The following DCAF8L2 variants were observed in gnomAD, a reference collection of about 807,000 sequenced individuals.
The protein encoded by DCAF8L2 is DDB1- and CUL4-associated factor 8-like protein 2.
For missense variants in DCAF8L2, 430 were observed against 490.7 expected (o/e 0.88, Z 1.17); for synonymous variants, 200 against 190.9 (o/e 1.05, Z -0.39).
At chrX:27,686,826 G>C (rs6628301) in intron 3 of DCAF8L2, among the ~76,000 whole-genome samples, 3,730 of 112,006 alleles carry the variant, frequency 0.033, 162 homozygotes, top group African/African-American at 0.11. Flanking sequence ...ATTTTTCTAC[G>C]GACTGGGTAG....
chrX:27,587,985 A>AAAAAAAATATATATATAT, upstream of DCAF8L2, among the ~76,000 whole-genome samples: 5 of 22,354 alleles, frequency 2.2e-4, no homozygotes, highest in African/African-American at 4.9e-4. Context: ...TAAAAAAAAA[A>AAAAAAAATATATATATAT]ATATATATAT....
chrX:27,746,643 A>G (rs961310987), intron 4 of DCAF8L2, among the ~76,000 whole-genome samples, 195 bp from the exon 5 acceptor site: 1 of 111,949 alleles, frequency 8.9e-6, no homozygotes, highest in African/African-American at 3.3e-5. Context: ...GCCTGGAAAA[A>G]CTAGAGCAGT....
chrX:27,574,804 A>G, the DCAF8L2 span, among the ~76,000 whole-genome samples: 7 of 111,123 alleles, frequency 6.3e-5, no homozygotes, highest in African/African-American at 2.3e-4. Context: ...CTAGGGGAGC[A>G]TATAGATGGG....
At chrX:27,550,842 G>T in the DCAF8L2 span, among the ~76,000 whole-genome samples, 27 of 110,441 alleles carry the variant, frequency 2.4e-4, no homozygotes, top group East Asian at 6.6e-3. Context: ...CACAATTAAG[G>T]GTTTGGGGCA....
chrX:27,697,465 GTTCT>G (rs1475235318), intron 3 of DCAF8L2, among the ~76,000 whole-genome samples: 3 of 111,029 alleles, frequency 2.7e-5, no homozygotes. Context: ...TTCAGTAAGT[GTTCT>G]TTGTGTTCCG....
the DCAF8L2 span, among the ~76,000 whole-genome samples, chrX:27,566,324 TCTAA>T: frequency 4.5e-5 from 5 of 111,692 alleles, no homozygotes; most frequent in African/African-American, 1.6e-4. Context: ...AGGACCTTGC[TCTAA>T]CTATCTGCCT....
In DCAF8L2 at chrX:27,650,529, A is replaced by G. The variant is rs1344871109; in HGVS notation, c.-220+18529A>G. Among the ~76,000 whole-genome samples the G allele has an allele frequency of 5.4e-5, 6 of 111,743 alleles. No individual in the cohort carries two copies. In the Admixed American group the frequency reaches 5.7e-4, roughly 11 times the overall value. On this transcript the variant is annotated intron_variant, in intron 2 of 4. Transcript: ENST00000451261. ...ATCCTTTACCTCCTTGGTTAGATGTATTGCTAGGTATTTTATTTTATCTTT... is the reference window on the plus strand; with the variant it reads ...ATCCTTTACCTCCTTGGTTAGATGTGTTGCTAGGTATTTTATTTTATCTTT...
In DCAF8L2 at chrX:27,671,738, C is replaced by A. The variant is rs747927276; in HGVS notation, c.-219-6098C>A. Among the ~76,000 whole-genome samples, 5 of 111,960 alleles carry A rather than the reference C, an allele frequency of 4.5e-5. No individual in the cohort carries two copies. The East Asian group carries it at 1.4e-3, about 31-fold the overall frequency. Reference sequence around the variant, plus strand: ...GCCATACCTGGTCTTCACAGCTTCTCGGACTGTGCATTCCCATTTGCTAAA... The same window carrying A: ...GCCATACCTGGTCTTCACAGCTTCTAGGACTGTGCATTCCCATTTGCTAAA... On this transcript the variant is annotated intron_variant, in intron 2 of 4. Transcript: ENST00000451261.
In DCAF8L2 at chrX:27,711,560, CTATTT is replaced by C. The variant is rs748112452; in HGVS notation, c.-142-4527_-142-4523del. On this transcript the variant is annotated intron_variant, in intron 3 of 4. Coordinates refer to ENST00000451261, the MANE Select transcript of DCAF8L2 (RefSeq NM_001353450.2). Reference sequence around the variant, plus strand: ...TTGCTTCACTATAGCAACCACTTTACTATTTATATCCCATAACATCATGTTCTAAG... The same window carrying C: ...TTGCTTCACTATAGCAACCACTTTACATATCCCATAACATCATGTTCTAAG... 3.8e-3 allele frequency among the ~76,000 whole-genome samples: 417 copies of C among 109,802 alleles called. 4 individuals carry two copies. The highest frequency in any genetic ancestry group is 0.013 in the African/African-American group (394 of 30,337).
chrX:27,694,083 A>G (rs1037178570), intron 3 of DCAF8L2, among the ~76,000 whole-genome samples: 5 of 112,054 alleles, frequency 4.5e-5, no homozygotes, highest in African/African-American at 9.7e-5. Context: ...GCTGGAGGCC[A>G]TTATCCCAAA....
chrX:27,508,054 A>G, the DCAF8L2 span, among the ~76,000 whole-genome samples: 1 of 111,896 alleles, frequency 8.9e-6, no homozygotes, highest in African/African-American at 3.2e-5. Flanking sequence ...AAATAACTTT[A>G]TATGTGTTAT....
the DCAF8L2 span, among the ~76,000 whole-genome samples, chrX:27,579,287 C>T: frequency 1.8e-5 from 2 of 111,139 alleles, no homozygotes; most frequent in Admixed American, 9.6e-5. Flanking sequence ...AGCCATTATC[C>T]TCAGCAGATG....
chrX:27,555,135 C>A, the DCAF8L2 span, among the ~76,000 whole-genome samples: 5 of 111,524 alleles, frequency 4.5e-5, no homozygotes, highest in Admixed American at 4.8e-4. Flanking sequence ...CAGGCAATGG[C>A]TGAGATGCTG....
chrX:27,699,147 G>A (rs1569185432), intron 3 of DCAF8L2, among the ~76,000 whole-genome samples: 1 of 112,028 alleles, frequency 8.9e-6, no homozygotes, highest in Admixed American at 9.5e-5. Context: ...TGTAAAGATA[G>A]TGCTGGGGGT....
chrX:27,495,143 A>G, the DCAF8L2 span, among the ~76,000 whole-genome samples: 9 of 111,828 alleles, frequency 8.0e-5, no homozygotes, highest in African/African-American at 3.2e-5. Context: ...CAAATGTCCC[A>G]GTATCATTTG....
the DCAF8L2 span, among the ~76,000 whole-genome samples, chrX:27,535,612 C>G: frequency 8.9e-6 from 1 of 111,828 alleles, no homozygotes; most frequent in African/African-American, 3.2e-5. Context: ...TACTCTCACC[C>G]CTCCTCTTCC....
At chrX:27,513,021 C>G in the DCAF8L2 span, among the ~76,000 whole-genome samples, 2 of 111,008 alleles carry the variant, frequency 1.8e-5, no homozygotes, top group Non-Finnish European at 3.8e-5. Context: ...ATAAATGGTG[C>G]TGGGACAACT....
the DCAF8L2 span, among the ~76,000 whole-genome samples, chrX:27,533,494 A>T: frequency 8.9e-6 from 1 of 111,921 alleles, no homozygotes; most frequent in Non-Finnish European, 1.9e-5. Flanking sequence ...ATATTTATTA[A>T]TTACAAAATA....
intron 4 of DCAF8L2, among the ~76,000 whole-genome samples, chrX:27,724,267 T>C (rs1017518688): frequency 9.0e-6 from 1 of 111,151 alleles, no homozygotes; most frequent in African/African-American, 3.3e-5. Flanking sequence ...TAAATTTATG[T>C]TTCTACTTGG....
Sources: gnomAD v4.1 joint callset for allele counts (sites outside exome capture counted in the v4.1 genomes callset) on GRCh38, gnomAD v4.1.1 for gene constraint, MANE v1.5 for transcripts, NCBI Gene and HGNC (gene_info 2026-07-23, HGNC 2026-07-21) for gene names.